The following KLF12 variants were observed in gnomAD, a reference collection of about 807,000 sequenced individuals.
KLF12 encodes Krueppel-like factor 12.
Under a neutral mutation model 37.8 loss-of-function variants are expected in KLF12, and 9 were observed. That is an observed-to-expected ratio of 0.24 (90% CI 0.14 to 0.42). The LOEUF (loss-of-function observed/expected upper bound fraction) is 0.42. KLF12 is among the 10% of genes least tolerant of loss of function. The pLI, the probability that KLF12 is intolerant of heterozygous loss-of-function variation, is 1.00. For missense variants in KLF12, 411 were observed against 516.0 expected (o/e 0.80, Z 1.97); for synonymous variants, 208 against 202.1 (o/e 1.03, Z -0.25).
upstream of KLF12, among the ~76,000 whole-genome samples, chr13:74,138,825 A>C (rs1161437940): frequency 6.6e-6 from 1 of 152,168 alleles, no homozygotes; most frequent in East Asian, 1.9e-4. Flanking sequence ...AATTAGTTAC[A>C]ACAAAATACT....
chr13:73,977,261 C>T (rs7316947), intron 2 of KLF12, among the ~76,000 whole-genome samples: 122,241 of 151,826 alleles, frequency 0.81, 50,495 homozygotes, highest in Non-Finnish European at 0.91. Flanking sequence ...ACCAAGCTGG[C>T]CTCGAACTCC....
chr13:74,190,990 C>T, the KLF12 span, among the ~76,000 whole-genome samples: 1 of 152,200 alleles, frequency 6.6e-6, no homozygotes. Context: ...CTGCCAGTGA[C>T]CTCTGGAAGC....
chr13:73,787,222 G>A (rs1881407999), intron 5 of KLF12, among the ~76,000 whole-genome samples: 1 of 151,670 alleles, frequency 6.6e-6, no homozygotes, highest in South Asian at 2.1e-4. Context: ...TTTTTGCCAG[G>A]GACTGTTCCA....
At chr13:74,067,003 G>A (rs567100565) in intron 1 of KLF12, among the ~76,000 whole-genome samples, 175 of 152,308 alleles carry the variant, frequency 1.1e-3, no homozygotes, top group Admixed American at 3.1e-3. Flanking sequence ...GGGGCTTGGG[G>A]ACAGTGTGGA....
At chr13:74,067,994 A>G (rs1874015413) in intron 1 of KLF12, among the ~76,000 whole-genome samples, 1 of 152,212 alleles carries the variant, frequency 6.6e-6, no homozygotes, top group Non-Finnish European at 1.5e-5. Flanking sequence ...TTAACCAATG[A>G]GCTCCATTCC....
At chr13:74,133,349 T>A (rs1878373150) in intron 1 of KLF12, among the ~76,000 whole-genome samples, 1 of 151,068 alleles carries the variant, frequency 6.6e-6, no homozygotes, top group Non-Finnish European at 1.5e-5. Flanking sequence ...CCCTGGGGTT[T>A]TATTTCACAT....
the KLF12 span, among the ~76,000 whole-genome samples, chr13:74,271,076 C>T: frequency 6.6e-6 from 1 of 152,132 alleles, no homozygotes; most frequent in Non-Finnish European, 1.5e-5. Context: ...ATTAGATTCT[C>T]ATAAGAGCAC....
chr13:74,279,231 T>A, the KLF12 span, among the ~76,000 whole-genome samples: 1 of 152,176 alleles, frequency 6.6e-6, no homozygotes. Context: ...GAAGCCCCAC[T>A]GTGCACTTTA....
the KLF12 span, among the ~76,000 whole-genome samples, chr13:74,232,402 CT>C: frequency 6.6e-6 from 1 of 152,172 alleles, no homozygotes; most frequent in African/African-American, 2.4e-5. Flanking sequence ...GTCTCAGTTT[CT>C]GCTACATTAA....
At chr13:73,780,292 G>A (rs572360357) in intron 5 of KLF12, among the ~76,000 whole-genome samples, 2 of 152,068 alleles carry the variant, frequency 1.3e-5, no homozygotes, top group African/African-American at 2.4e-5. Context: ...TTGGTTGCAC[G>A]GAAAAGTTCC....
At chr13:73,911,638 G>A (rs1888573600) in intron 3 of KLF12, among the ~76,000 whole-genome samples, 1 of 152,196 alleles carries the variant, frequency 6.6e-6, no homozygotes, top group Non-Finnish European at 1.5e-5. Context: ...ATGAACTTGA[G>A]AGTATTTATT....
rs1892530065 is a variant in KLF12, at chr13:74,010,722, A to G, written c.-31-15669T>C. 2.6e-5 allele frequency among the ~76,000 whole-genome samples: 4 copies of G among 152,216 alleles called. No individual in the cohort carries two copies. The South Asian group carries it at 8.3e-4, about 32-fold the overall frequency. ...GCTCGTGTCTAACAAAATCAAAAAA[A>G]GCTGCATGAACCTCTCTGGGTAGTC... On this transcript the variant is annotated intron_variant, in intron 1 of 7. Coordinates refer to ENST00000377669, the MANE Select transcript of KLF12 (RefSeq NM_007249.5).
chr13:73,881,985 T>C (rs967473303), intron 3 of KLF12, among the ~76,000 whole-genome samples: 3 of 152,184 alleles, frequency 2.0e-5, no homozygotes, highest in Non-Finnish European at 2.9e-5. Flanking sequence ...ACAGCCTGAT[T>C]TGTGGCTTTG....
chr13:74,004,376 G>A (rs561732518), intron 1 of KLF12, among the ~76,000 whole-genome samples: 2 of 152,056 alleles, frequency 1.3e-5, no homozygotes, highest in African/African-American at 2.4e-5. Context: ...CTTGTGAAGC[G>A]GGTGGAATTA....
At chr13:73,753,847 C>A (rs1024987553) in intron 6 of KLF12, among the ~76,000 whole-genome samples, 1 of 152,112 alleles carries the variant, frequency 6.6e-6, no homozygotes, top group Non-Finnish European at 1.5e-5. Context: ...CTAATGCATT[C>A]TAAGGAAGCA....
the KLF12 span, among the ~76,000 whole-genome samples, chr13:74,235,788 G>A: frequency 2.0e-5 from 3 of 151,820 alleles, no homozygotes; most frequent in African/African-American, 7.3e-5. Context: ...TATTACCCTG[G>A]CATTTTGTTT....
Position 73,944,040 on chromosome 13 carries a change from T to C in KLF12, c.64A>G (p.Met22Val), listed in dbSNP as rs553035366. 130 of 1,612,084 alleles carry C rather than the reference T, an allele frequency of 8.1e-5. No homozygotes were observed. The highest frequency in any genetic ancestry group is 9.8e-5 in the Non-Finnish European group (115 of 1,178,894). The change falls in exon 3 of 8, where the codon ATG becomes GTG. Residue 22 changes from methionine (M) to valine (V), a missense_variant. Physicochemically the swap from Met to Val is conservative, Grantham distance 21 (BLOSUM62 1). Transcript: ENST00000377669. ...CTGACTGCCGGCATCCCATCAAGCA[T>C]TAACATTCTGTTCTCAAAGGTGTTG... is the stretch of plus-strand genomic sequence containing the variant.
intron 1 of KLF12, among the ~76,000 whole-genome samples, chr13:74,094,383 T>C (rs1053380120): frequency 1.3e-5 from 2 of 150,498 alleles, no homozygotes; most frequent in African/African-American, 5.0e-5. Context: ...CATGGTATAA[T>C]GGACTTCCAT....
At chr13:74,166,493 T>C in the KLF12 span, among the ~76,000 whole-genome samples, 2 of 152,164 alleles carry the variant, frequency 1.3e-5, no homozygotes, top group Non-Finnish European at 2.9e-5. Context: ...TAAAATCATG[T>C]GTAAGACTGC....
Sources: gnomAD v4.1 joint callset for allele counts (sites outside exome capture counted in the v4.1 genomes callset) on GRCh38, gnomAD v4.1.1 for gene constraint, MANE v1.5 for transcripts, NCBI Gene and HGNC (gene_info 2026-07-23, HGNC 2026-07-21) for gene names.